RAPGEF5: variants seen among roughly 807,000 people sequenced by gnomAD.
RAPGEF5 encodes Rap guanine nucleotide exchange factor 5.
In RAPGEF5, 65 loss-of-function variants were observed where a neutral mutation model predicts 125.2. The ratio of observed to expected loss-of-function variants is 0.52; its 90% CI spans 0.43 to 0.64. The LOEUF (loss-of-function observed/expected upper bound fraction) is 0.64, where lower values mean the gene tolerates loss of function less well. RAPGEF5 is among the 30% of genes least tolerant of loss of function. The pLI is 0.00. For synonymous variants in RAPGEF5, 391 were observed against 385.9 expected (o/e 1.01, Z -0.16); for missense variants, 958 against 1,048.1 (o/e 0.91, Z 1.19).
chr7:22,205,439 C>T (rs2128129248), intron 9 of RAPGEF5, among the ~76,000 whole-genome samples: 1 of 152,230 alleles, frequency 6.6e-6, no homozygotes, highest in South Asian at 2.1e-4. Context: ...CTCAAACCAC[C>T]CACAATTTCC....
intron 5 of RAPGEF5, among the ~76,000 whole-genome samples, chr7:22,304,991 T>G (rs947888691): frequency 1.3e-5 from 2 of 152,220 alleles, no homozygotes; most frequent in Middle Eastern, 3.2e-3. Flanking sequence ...TCTAACACTT[T>G]TATAGCTTCT....
chr7:22,214,446 A>G (rs1785583784), intron 9 of RAPGEF5, among the ~76,000 whole-genome samples: 1 of 152,168 alleles, frequency 6.6e-6, no homozygotes, highest in Non-Finnish European at 1.5e-5. Context: ...GTTAGGAGCT[A>G]TTGTTGGTAT....
chr7:22,342,050 G>C (rs1418108329), intron 1 of RAPGEF5, among the ~76,000 whole-genome samples: 1 of 152,198 alleles, frequency 6.6e-6, no homozygotes, highest in Non-Finnish European at 1.5e-5. Context: ...GGTGCTCCAT[G>C]AGGGCCCTGC....
At chr7:22,340,431 A>G (rs17776545) in intron 1 of RAPGEF5, among the ~76,000 whole-genome samples, 33,555 of 152,210 alleles carry the variant, frequency 0.22, 4,055 homozygotes, top group South Asian at 0.28. Context: ...ACTTCTGAAG[A>G]CCAAACCAGA....
intron 5 of RAPGEF5, among the ~76,000 whole-genome samples, chr7:22,292,228 A>G (rs1390873322): frequency 6.6e-6 from 1 of 152,224 alleles, no homozygotes; most frequent in Non-Finnish European, 1.5e-5. Flanking sequence ...GGCTTCTCCC[A>G]GCTCATGGGA....
intron 5 of RAPGEF5, among the ~76,000 whole-genome samples, chr7:22,302,259 C>A (rs1783225179): frequency 6.6e-6 from 1 of 152,196 alleles, no homozygotes; most frequent in South Asian, 2.1e-4. Flanking sequence ...TAAAATCTTT[C>A]TATCACAGTA....
intron 9 of RAPGEF5, among the ~76,000 whole-genome samples, chr7:22,207,389 A>C (rs2128129702): frequency 6.6e-6 from 1 of 152,330 alleles, no homozygotes; most frequent in Admixed American, 6.5e-5. Context: ...AAATTCCCCC[A>C]GGGAAGGGTA....
chr7:22,214,237 C>G (rs1256816697), intron 9 of RAPGEF5, among the ~76,000 whole-genome samples: 1 of 152,124 alleles, frequency 6.6e-6, no homozygotes, highest in Non-Finnish European at 1.5e-5. Context: ...CCCTTCCCAC[C>G]CATCCATATT....
chr7:22,128,241 AAC>A (rs1187887772), intron 24 of RAPGEF5, among the ~76,000 whole-genome samples: 1 of 152,170 alleles, frequency 6.6e-6, no homozygotes, highest in African/African-American at 2.4e-5. Flanking sequence ...GAAGAAAAGA[AAC>A]CATTTGTTTC....
At chr7:22,176,783 G>A (rs1784522893) in intron 11 of RAPGEF5, among the ~76,000 whole-genome samples, 2 of 152,114 alleles carry the variant, frequency 1.3e-5, no homozygotes, top group African/African-American at 2.4e-5. Context: ...CACCCACCTC[G>A]GCCTCCCAAA....
chr7:22,240,030 A>G lies in RAPGEF5; in HGVS notation c.797-9111T>C, dbSNP rs756577099. Among the ~76,000 whole-genome samples the G allele has an allele frequency of 2.3e-3, 349 of 151,950 alleles. 1 individual carries two copies. Among genetic ancestry groups the G allele is most frequent in the Non-Finnish European group, 3.1e-3 (210 of 67,938 alleles). On this transcript the variant is annotated intron_variant, in intron 7 of 25. Coordinates refer to ENST00000665637, the MANE Select transcript of RAPGEF5 (RefSeq NM_012294.5). ...TCGAGACCAGCCTGCCCAACATGGC[A>G]AAACCCCGTCTCTACTAAAAATACA...
At position 22,315,465 on chromosome 7, in the gene RAPGEF5, C is replaced by T. The variant is rs141741905; in HGVS notation, c.294G>A (p.Glu98=). 2.0e-6 allele frequency: 3 copies of T among 1,496,906 alleles called. No homozygotes were observed. The African/African-American group carries it at 4.3e-5, about 21-fold the overall frequency. 92.7% of individuals were successfully genotyped at this position (1,496,906 alleles called of 1,614,324 possible). A position where few individuals can be genotyped will look rare whatever the true frequency, so the allele number is the denominator to read the frequency against. The change falls in exon 3 of 26, where the codon GAG becomes GAA. Residue 98 remains glutamate, a synonymous_variant. Transcript: ENST00000665637. ...LEHTPSQIYG[E]NSSCAGRALR... is the part of the protein sequence containing the mutation. ...ATGCTCTTCCTGCACAAGAAGAATT[C>T]TCTCCATAAATCTAAATGGAAAAGA...
chr7:22,219,294 G>A lies in RAPGEF5; in HGVS notation c.996+572C>T, dbSNP rs140215958. On this transcript the variant is annotated intron_variant, in intron 9 of 25. Coordinates refer to ENST00000665637, the MANE Select transcript of RAPGEF5 (RefSeq NM_012294.5). ...TGCTTTCAGGAGGACCAAGCGGAAC[G>A]TCCCTTTCCTCCAGCTTTAACTATA... 2.6e-5 allele frequency among the ~76,000 whole-genome samples: 4 copies of A among 151,978 alleles called. No homozygotes were observed. In the East Asian group the frequency reaches 7.7e-4, roughly 29 times the overall value.
intron 1 of RAPGEF5, among the ~76,000 whole-genome samples, chr7:22,338,510 T>C (rs1362693710): frequency 6.6e-6 from 1 of 152,240 alleles, no homozygotes; most frequent in Non-Finnish European, 1.5e-5. Flanking sequence ...GGACTTTGAG[T>C]AGCTAAGGAC....
chr7:22,128,222 G>A (rs963754473), intron 24 of RAPGEF5, among the ~76,000 whole-genome samples: 4 of 152,050 alleles, frequency 2.6e-5, no homozygotes, highest in African/African-American at 9.7e-5. Context: ...TAACATCGAG[G>A]GATAAAGAGA....
At position 22,140,033 on chromosome 7, in the gene RAPGEF5, T is replaced by A; in HGVS notation, c.2269A>T (p.Thr757Ser). 2 of 1,564,162 alleles carry A rather than the reference T, an allele frequency of 1.3e-6. No individual in the cohort carries two copies. The highest frequency in any genetic ancestry group is 1.7e-6 in the Non-Finnish European group (2 of 1,153,734). The change falls in exon 21 of 26, where the codon ACC becomes TCC. Residue 757 changes from threonine (T) to serine (S), a missense_variant. Physicochemically the swap from Thr to Ser is moderately conservative, Grantham distance 58 (BLOSUM62 1). Transcript: ENST00000665637. ...GGGACTCCAAGGCTCACCTCCCAGG[T>A]CTGCGACAGTCGACTGACAGAAGCA... ...NTASVSRLSQTWEKIPGKFKK... is the reference protein window; with the variant it reads ...NTASVSRLSQSWEKIPGKFKK...
chr7:22,226,296 G>T (rs538265706), intron 8 of RAPGEF5, among the ~76,000 whole-genome samples: 1 of 152,094 alleles, frequency 6.6e-6, no homozygotes, highest in East Asian at 1.9e-4. Flanking sequence ...TAAAAATTAA[G>T]CCTAGAAGTT....
At chr7:22,348,118 A>G (rs1784259858) in intron 1 of RAPGEF5, among the ~76,000 whole-genome samples, 1 of 152,220 alleles carries the variant, frequency 6.6e-6, no homozygotes, top group Non-Finnish European at 1.5e-5. Context: ...CTTGTGGCAC[A>G]GGCTTCAGAA....
At chr7:22,213,718 G>A (rs1032077376) in intron 9 of RAPGEF5, among the ~76,000 whole-genome samples, 11 of 152,174 alleles carry the variant, frequency 7.2e-5, no homozygotes, top group Non-Finnish European at 1.6e-4. Flanking sequence ...GCAACTTAAT[G>A]TATTATGAAT....
Sources: allele counts gnomAD v4.1 joint callset (sites outside exome capture counted in the v4.1 genomes callset), GRCh38; gene constraint gnomAD v4.1.1; transcripts MANE v1.5; gene names NCBI Gene and HGNC (gene_info 2026-07-23, HGNC 2026-07-21).